WDR49: variants seen among roughly 807,000 people sequenced by gnomAD.
WDR49 encodes cilia- and flagella-associated protein 337.
In WDR49, 107 loss-of-function variants were observed where a neutral mutation model predicts 119.5. The observed-to-expected ratio is 0.90, with a 90% CI of 0.77 to 1.05. The LOEUF is 1.05. Among genes scored for constraint, WDR49 ranks in the 50% least tolerant of loss-of-function variants. WDR49 has a pLI of 0.00. For synonymous variants in WDR49, 425 were observed against 418.8 expected (o/e 1.01, Z -0.18); for missense variants, 1,240 against 1,220.5 (o/e 1.02, Z -0.24).
At chr3:167,576,190 G>T in intron 7 of WDR49, 39 bp from the exon 8 acceptor site, 1 of 1,568,444 alleles carries the variant, frequency 6.4e-7, no homozygotes, top group Non-Finnish European at 8.7e-7. Flanking sequence ...ATATGTCAAA[G>T]ATAATTGTAA....
intron 16 of WDR49, among the ~76,000 whole-genome samples, chr3:167,521,963 A>AAGAT (rs201398579): frequency 0.035 from 2,722 of 77,200 alleles, 28 homozygotes; most frequent in Non-Finnish European, 0.04. Context: ...TACACATTCT[A>AAGAT]AGATAGATAG....
chr3:167,579,366 C>T (rs2108286781), intron 7 of WDR49, among the ~76,000 whole-genome samples: 1 of 152,264 alleles, frequency 6.6e-6, no homozygotes, highest in East Asian at 1.9e-4. Context: ...AAAAGTCTGC[C>T]TCACTTCCAC....
chr3:167,488,893 A>G (rs1751023116), intron 18 of WDR49, among the ~76,000 whole-genome samples: 1 of 151,992 alleles, frequency 6.6e-6, no homozygotes, highest in East Asian at 1.9e-4. Flanking sequence ...GGAACATGTC[A>G]ATTTTGTTCC....
At chr3:167,488,361 ATATGATAAAAACAGTCAC>A (rs895960815) in intron 18 of WDR49, among the ~76,000 whole-genome samples, 6 of 151,954 alleles carry the variant, frequency 3.9e-5, no homozygotes, top group African/African-American at 1.4e-4. Flanking sequence ...ATGGATGTAA[ATATGATAAAAACAGTCAC>A]TATGGACTAC....
At chr3:167,599,966 A>T (rs939948024) in intron 7 of WDR49, among the ~76,000 whole-genome samples, 22 of 152,248 alleles carry the variant, frequency 1.4e-4, no homozygotes, top group African/African-American at 5.3e-4. Context: ...GGGTCCTTCC[A>T]GGACTCGGTC....
chr3:167,610,857 TG>T (rs2108313692), intron 5 of WDR49, among the ~76,000 whole-genome samples: 1 of 152,334 alleles, frequency 6.6e-6, no homozygotes, highest in East Asian at 1.9e-4. Context: ...AGACTTTGCA[TG>T]TTTGGGGGAC....
chr3:167,653,127 A>C, intron 2 of WDR49, 134 bp downstream of exon 2: 1 of 1,052,268 alleles, frequency 9.5e-7, no homozygotes, highest in Non-Finnish European at 1.4e-6. Flanking sequence ...TCCAGGCCTA[A>C]CCAATTATTT....
At position 167,517,798 on chromosome 3, in the gene WDR49, T is replaced by C. The variant is rs181051995; in HGVS notation, c.2774+4517A>G. On this transcript the variant is annotated intron_variant, in intron 16 of 18. Transcript: ENST00000682715. ...GTGCACAATGTGCAGGTTAGTTACA[T>C]ATGTATACATGTGCCATGCTGGTGT... Among the ~76,000 whole-genome samples the C allele has an allele frequency of 1.4e-3, 206 of 152,088 alleles. 4 individuals are homozygous for C. In the East Asian group the frequency reaches 0.031, roughly 23 times the overall value.
chr3:167,546,393 G>T (rs565280275), intron 10 of WDR49, among the ~76,000 whole-genome samples: 76 of 151,886 alleles, frequency 5.0e-4, no homozygotes, highest in Non-Finnish European at 1.1e-3. Context: ...CTACACTGCA[G>T]CTCTTACTTT....
intron 7 of WDR49, among the ~76,000 whole-genome samples, chr3:167,577,413 CA>C (rs2108285137): frequency 6.6e-6 from 1 of 152,200 alleles, no homozygotes; most frequent in Non-Finnish European, 1.5e-5. Context: ...TGTACAAAAT[CA>C]AAAATCACCA....
At chr3:167,540,967 G>T (rs962747815) in intron 10 of WDR49, among the ~76,000 whole-genome samples, 5 of 151,694 alleles carry the variant, frequency 3.3e-5, no homozygotes, top group African/African-American at 9.7e-5. Flanking sequence ...AGAGCTCAAA[G>T]ACAAGGATTT....
At chr3:167,629,614 A>C (rs537861319) in intron 2 of WDR49, among the ~76,000 whole-genome samples, 122 of 152,286 alleles carry the variant, frequency 8.0e-4, no homozygotes, top group Middle Eastern at 3.4e-3. Context: ...GGATGTGAGC[A>C]AAGTAAATTA....
At chr3:167,593,131 C>G (rs1237530585) in intron 7 of WDR49, among the ~76,000 whole-genome samples, 1 of 152,062 alleles carries the variant, frequency 6.6e-6, no homozygotes, top group Non-Finnish European at 1.5e-5. Context: ...TGTATTTGGA[C>G]ATTGATATGT....
intron 6 of WDR49, among the ~76,000 whole-genome samples, chr3:167,602,669 A>T (rs1035660164): frequency 3.9e-5 from 6 of 152,152 alleles, no homozygotes; most frequent in African/African-American, 1.4e-4. Context: ...CCCAGGAGTA[A>T]GAAAGAAAGA....
intron 4 of WDR49, 148 bp downstream of exon 4, chr3:167,621,319 C>G: frequency 2.5e-6 from 2 of 815,224 alleles, no homozygotes; most frequent in Non-Finnish European, 3.5e-6. Flanking sequence ...CAAATTGTGA[C>G]CTAATCCATC....
intron 8 of WDR49, among the ~76,000 whole-genome samples, chr3:167,568,605 C>T (rs1713748562): frequency 6.6e-6 from 1 of 152,084 alleles, no homozygotes; most frequent in Non-Finnish European, 1.5e-5. Context: ...AGCTGCAGAC[C>T]TCAACCTATG....
chr3:167,523,553 C>T (rs532557618), intron 15 of WDR49, among the ~76,000 whole-genome samples: 1 of 151,980 alleles, frequency 6.6e-6, no homozygotes, highest in Non-Finnish European at 1.5e-5. Context: ...CCCTTTCCCC[C>T]ACCCCGCAAC....
intron 9 of WDR49, among the ~76,000 whole-genome samples, chr3:167,556,713 C>G (rs1044549032): frequency 3.9e-5 from 6 of 152,024 alleles, no homozygotes; most frequent in African/African-American, 1.4e-4. Flanking sequence ...TGGTGAAACC[C>G]TGTCTCCACT....
chr3:167,627,402 G>A (rs764273851), intron 2 of WDR49, 110 bp from the exon 3 acceptor site: 47 of 1,038,032 alleles, frequency 4.5e-5, no homozygotes, highest in Non-Finnish European at 5.4e-5. Flanking sequence ...CTGCCAACAT[G>A]AAAAGAAAAA....
Sources: gnomAD v4.1 joint callset for allele counts (sites outside exome capture counted in the v4.1 genomes callset) on GRCh38, gnomAD v4.1.1 for gene constraint, MANE v1.5 for transcripts, NCBI Gene and HGNC (gene_info 2026-07-23, HGNC 2026-07-21) for gene names.